The following SLC44A5 variants were observed in gnomAD, a reference collection of about 807,000 sequenced individuals.
The protein encoded by SLC44A5 is solute carrier family 44 member 5, also known as choline transporter-like protein 5.
In SLC44A5, 57 loss-of-function variants were observed where a neutral mutation model predicts 101.8. The ratio of observed to expected loss-of-function variants is 0.56; its 90% CI spans 0.45 to 0.70. The LOEUF (loss-of-function observed/expected upper bound fraction) is 0.70, where lower values mean the gene tolerates loss of function less well. Ranked by LOEUF, SLC44A5 falls within the 30% of genes least tolerant of loss-of-function variation. The probability of loss-of-function intolerance (pLI) is 0.00; values close to 1 mark genes in which losing one functional copy is unlikely to be tolerated. For synonymous variants in SLC44A5, 281 were observed against 290.9 expected (o/e 0.97, Z 0.35); for missense variants, 737 against 853.1 (o/e 0.86, Z 1.70).
the SLC44A5 span, among the ~76,000 whole-genome samples, chr1:75,674,533 C>A: frequency 6.6e-6 from 1 of 152,118 alleles, no homozygotes; most frequent in Admixed American, 6.6e-5. Context: ...GCATCTGCCA[C>A]CATGCCCAGC....
intron 2 of SLC44A5, among the ~76,000 whole-genome samples, chr1:75,527,576 G>T (rs1026390148): frequency 6.6e-6 from 1 of 152,242 alleles, no homozygotes; most frequent in Admixed American, 6.5e-5. Flanking sequence ...AACATATCTG[G>T]CTGGCTCTGT....
chr1:75,607,774 T>G (rs1675411656), intron 1 of SLC44A5, among the ~76,000 whole-genome samples: 1 of 151,990 alleles, frequency 6.6e-6, no homozygotes, highest in African/African-American at 2.4e-5. Context: ...GATGTGACTT[T>G]GTTCCTCATT....
intron 2 of SLC44A5, among the ~76,000 whole-genome samples, chr1:75,530,986 C>T (rs752409243): frequency 6.6e-6 from 1 of 152,096 alleles, no homozygotes; most frequent in African/African-American, 2.4e-5. Flanking sequence ...AAGGTGCTTT[C>T]CTGCCCAGAG....
At chr1:75,281,654 T>G (rs1344140877) in intron 5 of SLC44A5, among the ~76,000 whole-genome samples, 1 of 34,396 alleles carries the variant, frequency 2.9e-5, no homozygotes, top group East Asian at 4.3e-3. Flanking sequence ...CCCCCCCCGC[T>G]GCATTTAGCC....
chr1:75,584,408 T>C (rs1673877182), intron 1 of SLC44A5, among the ~76,000 whole-genome samples: 1 of 152,220 alleles, frequency 6.6e-6, no homozygotes, highest in African/African-American at 2.4e-5. Context: ...AAGTGGTAAA[T>C]GTATTCTGAA....
intron 6 of SLC44A5, among the ~76,000 whole-genome samples, chr1:75,270,545 A>G (rs1259641633): frequency 6.6e-6 from 1 of 152,150 alleles, no homozygotes; most frequent in Non-Finnish European, 1.5e-5. Context: ...TAGAAATTTA[A>G]ATATAAGAAG....
At chr1:75,629,944 A>G in the SLC44A5 span, among the ~76,000 whole-genome samples, 1 of 152,194 alleles carries the variant, frequency 6.6e-6, no homozygotes, top group African/African-American at 2.4e-5. Flanking sequence ...AGCACAAGAT[A>G]TATCTCCATT....
chr1:75,458,202 T>G (rs946982904), intron 2 of SLC44A5, among the ~76,000 whole-genome samples: 1 of 152,150 alleles, frequency 6.6e-6, no homozygotes, highest in African/African-American at 2.4e-5. Flanking sequence ...CCAGTAAATA[T>G]TTTTACAAGT....
At chr1:75,521,168 A>G (rs1307660987) in intron 2 of SLC44A5, among the ~76,000 whole-genome samples, 1 of 152,338 alleles carries the variant, frequency 6.6e-6, no homozygotes, top group Non-Finnish European at 1.5e-5. Context: ...TTCAAACAGC[A>G]TAGTGGGCCC....
At chr1:75,354,429 C>T (rs1294466898) in intron 3 of SLC44A5, among the ~76,000 whole-genome samples, 1 of 152,184 alleles carries the variant, frequency 6.6e-6, no homozygotes, top group African/African-American at 2.4e-5. Flanking sequence ...GCTTCTAGCA[C>T]TCCCATTATC....
intron 3 of SLC44A5, among the ~76,000 whole-genome samples, chr1:75,359,807 T>C (rs1045259489): frequency 6.6e-6 from 1 of 152,180 alleles, no homozygotes; most frequent in Non-Finnish European, 1.5e-5. Context: ...CAGGGTTTGC[T>C]TTTCTCTACA....
the SLC44A5 span, chr1:75,642,135 A>T: frequency 5.6e-6 from 5 of 893,140 alleles, no homozygotes; most frequent in East Asian, 5.3e-5. Flanking sequence ...ATATATTAAA[A>T]CTGCCTGTAA....
chr1:75,666,658 A>G, the SLC44A5 span, among the ~76,000 whole-genome samples: 2 of 152,202 alleles, frequency 1.3e-5, no homozygotes, highest in Admixed American at 6.5e-5. Flanking sequence ...TCAGGCCAAT[A>G]TCACTGATGA....
intron 1 of SLC44A5, among the ~76,000 whole-genome samples, chr1:75,550,154 A>C (rs1320127551): frequency 1.3e-5 from 2 of 152,170 alleles, no homozygotes; most frequent in African/African-American, 4.8e-5. Flanking sequence ...AAAAAGTGGA[A>C]ACAACCCAAA....
intron 2 of SLC44A5, among the ~76,000 whole-genome samples, chr1:75,478,066 C>A (rs2101758009): frequency 6.6e-6 from 1 of 152,342 alleles, no homozygotes; most frequent in Admixed American, 6.5e-5. Flanking sequence ...GGCAGAAACT[C>A]TACAAGCCAG....
chr1:75,705,646 A>G, the SLC44A5 span, among the ~76,000 whole-genome samples: 2 of 152,050 alleles, frequency 1.3e-5, no homozygotes, highest in African/African-American at 4.8e-5. Flanking sequence ...CGCTAGAGGT[A>G]TATCTATTTT....
chr1:75,560,074 A>G (rs564070142), intron 1 of SLC44A5, among the ~76,000 whole-genome samples: 1 of 152,296 alleles, frequency 6.6e-6, no homozygotes, highest in Admixed American at 6.5e-5. Flanking sequence ...TGGAACCCTC[A>G]TACATTGCTG....
intron 5 of SLC44A5, among the ~76,000 whole-genome samples, chr1:75,289,062 C>T (rs1331737935): frequency 6.6e-6 from 1 of 152,198 alleles, no homozygotes; most frequent in Non-Finnish European, 1.5e-5. Context: ...AGGAGTCTTC[C>T]ACCTCATTAA....
chr1:75,536,155 T>G (rs1455319733), intron 2 of SLC44A5, among the ~76,000 whole-genome samples: 3 of 152,278 alleles, frequency 2.0e-5, no homozygotes, highest in Non-Finnish European at 2.9e-5. Context: ...GAATTACAGT[T>G]TGGTCACTGC....
Sources: gnomAD v4.1 joint callset for allele counts (sites outside exome capture counted in the v4.1 genomes callset) on GRCh38, gnomAD v4.1.1 for gene constraint, MANE v1.5 for transcripts, NCBI Gene and HGNC (gene_info 2026-07-23, HGNC 2026-07-21) for gene names.